GALNT7: variants seen among roughly 807,000 people sequenced by gnomAD.
GALNT7 encodes N-acetylgalactosaminyltransferase 7.
A neutral mutation model predicts 82.1 loss-of-function variants in GALNT7; 60 were observed. The observed-to-expected ratio is 0.73, with a 90% CI of 0.59 to 0.91. The LOEUF (loss-of-function observed/expected upper bound fraction) is 0.91, where lower values mean the gene tolerates loss of function less well. Among genes scored for constraint, GALNT7 ranks in the 40% least tolerant of loss-of-function variants. GALNT7 has a pLI of 0.00. For missense variants in GALNT7, 660 were observed against 804.2 expected (o/e 0.82, Z 2.17); for synonymous variants, 243 against 275.1 (o/e 0.88, Z 1.15).
intron 2 of GALNT7, among the ~76,000 whole-genome samples, chr4:173,288,301 A>AAAAAAG (rs1289159201): frequency 6.7e-6 from 1 of 148,262 alleles, no homozygotes; most frequent in African/African-American, 2.6e-5. Flanking sequence ...AAAAAAAAAA[A>AAAAAAG]AAAAGAAAAG....
At chr4:173,184,087 C>T (rs1278767513) in intron 1 of GALNT7, among the ~76,000 whole-genome samples, 1 of 150,994 alleles carries the variant, frequency 6.6e-6, no homozygotes, top group Admixed American at 6.6e-5. Flanking sequence ...GGATGAGGGT[C>T]GGGAAGAGGC....
rs142289942 is a variant in GALNT7 at position 173,211,259 on chromosome 4, C to A, written c.127-36721C>A. Among the ~76,000 whole-genome samples, 794 of 152,256 alleles carry A rather than the reference C, an allele frequency of 5.2e-3. 9 individuals are homozygous for A. The highest frequency in any genetic ancestry group is 0.018 in the African/African-American group (764 of 41,532). On this transcript the variant is annotated intron_variant, in intron 1 of 11. Transcript: ENST00000265000. ...TGGAAGCTTTTTCTAAATATGCATT[C>A]CTGCCTGTACCCTCACTAGATCTGT...
chr4:173,249,744 C>T lies in GALNT7; in HGVS notation c.587+1304C>T, dbSNP rs140207336. On this transcript the variant is annotated intron_variant, in intron 2 of 11. Transcript: ENST00000265000. The stretch of plus-strand genomic sequence containing the variant: ...TAAAAATTTTTTTAAATTGGATTTC[C>T]CTGAAATCCAATTTTAACTCGGTGT... Among the ~76,000 whole-genome samples, 10 of 152,066 alleles carry T rather than the reference C, an allele frequency of 6.6e-5. No individual in the cohort carries two copies. The East Asian group carries it at 1.9e-3, about 29-fold the overall frequency.
At position 173,188,513 on chromosome 4, in the gene GALNT7, A is replaced by C. The variant is rs74669659; in HGVS notation, c.126+19552A>C. 4.6e-3 allele frequency among the ~76,000 whole-genome samples: 705 copies of C among 152,354 alleles called. 5 individuals carry two copies. The highest frequency in any genetic ancestry group is 0.016 in the African/African-American group (667 of 41,574). On this transcript the variant is annotated intron_variant, in intron 1 of 11. Coordinates refer to ENST00000265000, the MANE Select transcript of GALNT7 (RefSeq NM_017423.3). ...AGTACTATAGAAAAGAAACTTCAGC[A>C]TTTTAGCATATCTTTCACAAACTGA...
intron 2 of GALNT7, among the ~76,000 whole-genome samples, chr4:173,265,550 T>C (rs561240783): frequency 5.3e-4 from 80 of 151,910 alleles, no homozygotes; most frequent in Non-Finnish European, 9.6e-4. Flanking sequence ...AGCAAGTACA[T>C]GCTAGCTGTT....
At chr4:173,307,814 G>T (rs1040646871) in intron 8 of GALNT7, among the ~76,000 whole-genome samples, 1 of 152,204 alleles carries the variant, frequency 6.6e-6, no homozygotes, top group African/African-American at 2.4e-5. Context: ...TCAGGATCAG[G>T]GCTCACTGGG....
chr4:173,318,100 T>G (rs2126875551), intron 10 of GALNT7, among the ~76,000 whole-genome samples: 1 of 152,344 alleles, frequency 6.6e-6, no homozygotes, highest in African/African-American at 2.4e-5. Context: ...TTACTGCCAG[T>G]AATGTATATT....
chr4:173,213,752 A>G (rs1006615612), intron 1 of GALNT7, among the ~76,000 whole-genome samples: 94 of 152,210 alleles, frequency 6.2e-4, no homozygotes, highest in African/African-American at 1.8e-3. Context: ...CAAAAATACA[A>G]CTGTTTAGAT....
chr4:173,178,055 G>A (rs927779874), intron 1 of GALNT7, among the ~76,000 whole-genome samples: 5 of 125,852 alleles, frequency 4.0e-5, no homozygotes, highest in Non-Finnish European at 7.8e-5. Flanking sequence ...GTGTGTGTGC[G>A]CGCACGCGCG....
chr4:173,207,555 T>A (rs1248714981), intron 1 of GALNT7, among the ~76,000 whole-genome samples: 1 of 152,230 alleles, frequency 6.6e-6, no homozygotes, highest in Non-Finnish European at 1.5e-5. Context: ...CTATTAAGGT[T>A]GTTTCTCACC....
intron 1 of GALNT7, among the ~76,000 whole-genome samples, chr4:173,202,721 T>C (rs1294744162): frequency 2.6e-5 from 4 of 152,192 alleles, no homozygotes; most frequent in African/African-American, 9.6e-5. Flanking sequence ...TTTTTCTGAA[T>C]ACAGACTATT....
chr4:173,197,063 C>A (rs1296187541), intron 1 of GALNT7, among the ~76,000 whole-genome samples: 14 of 117,954 alleles, frequency 1.2e-4, no homozygotes, highest in African/African-American at 4.5e-4. Flanking sequence ...CTCTCTCTCC[C>A]TTTTTTTTTT....
chr4:173,179,433 A>G (rs1732176777), intron 1 of GALNT7, among the ~76,000 whole-genome samples: 1 of 152,234 alleles, frequency 6.6e-6, no homozygotes, highest in Non-Finnish European at 1.5e-5. Context: ...GCTTGAGGCT[A>G]GAAGCCTGGG....
intron 1 of GALNT7, among the ~76,000 whole-genome samples, chr4:173,171,564 C>G (rs574725500): frequency 3.7e-4 from 56 of 152,328 alleles, no homozygotes; most frequent in African/African-American, 1.3e-3. Context: ...CCTTTCTCAT[C>G]TGCACTATTT....
intron 1 of GALNT7, among the ~76,000 whole-genome samples, chr4:173,210,648 G>C (rs557957389): frequency 2.6e-5 from 4 of 151,988 alleles, no homozygotes; most frequent in South Asian, 2.1e-4. Context: ...GCCCAAGCTG[G>C]TCTGGAACTC....
chr4:173,312,505 T>C (rs1737424609), intron 8 of GALNT7, among the ~76,000 whole-genome samples: 3 of 152,334 alleles, frequency 2.0e-5, no homozygotes, highest in African/African-American at 7.2e-5. Context: ...CTCACCTCCA[T>C]AGGAGGCCAT....
intron 1 of GALNT7, among the ~76,000 whole-genome samples, chr4:173,175,861 T>A (rs1732022898): frequency 6.6e-6 from 1 of 152,060 alleles, no homozygotes; most frequent in Non-Finnish European, 1.5e-5. Context: ...TCACTTGAGG[T>A]CCGGAGTTTG....
chr4:173,225,148 C>A (rs4608791), intron 1 of GALNT7, among the ~76,000 whole-genome samples: 112,317 of 151,838 alleles, frequency 0.74, 42,728 homozygotes, highest in East Asian at 0.92. Context: ...TTAAAATAAC[C>A]AATCCATGAT....
In GALNT7 at chr4:173,224,963, C is replaced by T. The variant is rs977221299; in HGVS notation, c.127-23017C>T. On this transcript the variant is annotated intron_variant, in intron 1 of 11. Coordinates refer to ENST00000265000, the MANE Select transcript of GALNT7 (RefSeq NM_017423.3). ...CCGGGAGGCGGAGCTTGCAGTGAGCCGAAATTGTGCCACTGCACTCTAGCC... is the reference window on the plus strand; with the variant it reads ...CCGGGAGGCGGAGCTTGCAGTGAGCTGAAATTGTGCCACTGCACTCTAGCC... 2.6e-5 allele frequency among the ~76,000 whole-genome samples: 4 copies of T among 151,110 alleles called. No individual in the cohort carries two copies. In the South Asian group the frequency reaches 6.3e-4, roughly 24 times the overall value.
Sources: allele counts gnomAD v4.1 joint callset (sites outside exome capture counted in the v4.1 genomes callset), GRCh38; gene constraint gnomAD v4.1.1; transcripts MANE v1.5; gene names NCBI Gene and HGNC (gene_info 2026-07-23, HGNC 2026-07-21).